The following NAA38 variants were observed in gnomAD, a reference collection of about 807,000 sequenced individuals.
NAA38 encodes N-alpha-acetyltransferase 38, NatC auxiliary subunit, also known as LSM domain containing 1.
In NAA38, 15 loss-of-function variants were observed where a neutral mutation model predicts 12.6. The observed-to-expected ratio is 1.19, with a 90% CI of 0.79 to 1.83. The LOEUF is 1.83. Among genes scored for constraint, NAA38 ranks in the 40% most tolerant of loss-of-function variants. The probability of loss-of-function intolerance (pLI) is 0.00; values close to 1 mark genes in which losing one functional copy is unlikely to be tolerated. For synonymous variants in NAA38, 88 were observed against 69.9 expected, an observed-to-expected ratio of 1.26 and a Z score of -1.29; for missense variants, 183 against 171.7, an observed-to-expected ratio of 1.07 and a Z score of -0.37.
intron 2 of NAA38, among the ~76,000 whole-genome samples, chr17:7,870,742 C>T (rs907655649): frequency 6.6e-6 from 1 of 151,822 alleles, no homozygotes; most frequent in Non-Finnish European, 1.5e-5. Context: ...CAAAAATTAG[C>T]CCAGTGCAGT....
chr17:7,874,549 G>C lies in NAA38; in HGVS notation c.-65-7991C>G, dbSNP rs74252293. On this transcript the variant is annotated intron_variant, in intron 2 of 4. Transcript: ENST00000576861. The stretch of plus-strand genomic sequence containing the variant: ...AGACTGCTGCAGCCTTAAAGAAATA[G>C]GGGCTTCTTACACAAGATGAGGGAA... 0.016 allele frequency among the ~76,000 whole-genome samples: 2,471 copies of C among 152,216 alleles called. 135 individuals carry two copies. The East Asian group carries it at 0.2, about 12-fold the overall frequency.
upstream of NAA38, chr17:7,862,993 C>T (rs2078893317): frequency 6.6e-6 from 1 of 152,088 alleles, no homozygotes; most frequent in South Asian, 2.1e-4. Flanking sequence ...TAGGTTTATG[C>T]CTGCTTTTTT....
chr17:7,874,369 A>G (rs1967137384), intron 2 of NAA38, among the ~76,000 whole-genome samples: 1 of 152,184 alleles, frequency 6.6e-6, no homozygotes, highest in Non-Finnish European at 1.5e-5. Flanking sequence ...TCAAGGGACC[A>G]AAAAGTCTGG....
intron 2 of NAA38, among the ~76,000 whole-genome samples, chr17:7,868,961 C>T (rs561605701): frequency 6.6e-6 from 1 of 152,202 alleles, no homozygotes; most frequent in Non-Finnish European, 1.5e-5. Flanking sequence ...GGGAATGGGG[C>T]CAACTACTGG....
chr17:7,859,582 G>A (rs200846482), upstream of NAA38: 36 of 1,614,018 alleles, frequency 2.2e-5, no homozygotes, highest in Non-Finnish European at 2.9e-5. Flanking sequence ...CAATACTTCT[G>A]TACTTCAATG....
At chr17:7,877,096 T>C in intron 2 of NAA38, 1 of 368,786 alleles carries the variant, frequency 2.7e-6, no homozygotes, top group Admixed American at 3.4e-5. Flanking sequence ...TTTAGAGAAG[T>C]CATACTACTT....
intron 1 of NAA38, among the ~76,000 whole-genome samples, chr17:7,884,459 T>TATATATATATATATATGTATATATAC (rs1448949406): frequency 2.5e-5 from 1 of 39,842 alleles, no homozygotes; most frequent in African/African-American, 5.2e-5. Context: ...TATATATACA[T>TATATATATATATATATGTATATATAC]ATATATATAT....
intron 2 of NAA38, among the ~76,000 whole-genome samples, chr17:7,874,032 A>T (rs1300334504): frequency 3.3e-5 from 5 of 152,200 alleles, no homozygotes; most frequent in Non-Finnish European, 5.9e-5. Flanking sequence ...CAAGCAACCA[A>T]AGTGATACAA....
At chr17:7,867,338 ATGTTT>A (rs1157436466) in intron 2 of NAA38, among the ~76,000 whole-genome samples, 3 of 151,350 alleles carry the variant, frequency 2.0e-5, no homozygotes, top group East Asian at 2.0e-4. Flanking sequence ...TAAGTGTTTT[ATGTTT>A]TGTTTTGTTT....
At chr17:7,873,834 C>T (rs992529808) in intron 2 of NAA38, among the ~76,000 whole-genome samples, 3 of 152,074 alleles carry the variant, frequency 2.0e-5, no homozygotes, top group Non-Finnish European at 2.9e-5. Flanking sequence ...ATTTTCTATC[C>T]ATTATGATAT....
intron 2 of NAA38, among the ~76,000 whole-genome samples, chr17:7,868,013 C>T (rs1967019837): frequency 1.3e-5 from 2 of 152,166 alleles, no homozygotes; most frequent in African/African-American, 4.8e-5. Flanking sequence ...TATGAGGTAA[C>T]TCGGGCAGGC....
chr17:7,863,336 G>A (rs1054925029), intron 3 of NAA38: 6 of 152,162 alleles, frequency 3.9e-5, no homozygotes, highest in African/African-American at 1.4e-4. Context: ...TTTTGTGTTA[G>A]AGGGTGGTGG....
intron 3 of NAA38, chr17:7,865,952 CTG>C (rs1567815911): frequency 6.6e-6 from 1 of 152,278 alleles, no homozygotes; most frequent in South Asian, 2.1e-4. Flanking sequence ...GTCCTGGAAA[CTG>C]TGAATACAAA....
At chr17:7,859,788 T>A, upstream of NAA38, 1 of 603,652 alleles carries the variant, frequency 1.7e-6, no homozygotes, top group Non-Finnish European at 2.9e-6. Flanking sequence ...TTCATTACAG[T>A]TTGCTCTGAG....
At chr17:7,858,670 T>C, upstream of NAA38, 2 of 1,611,072 alleles carry the variant, frequency 1.2e-6, no homozygotes, top group South Asian at 2.2e-5. Context: ...GGCCGCTTTG[T>C]GCACGTTCCG....
intron 2 of NAA38, among the ~76,000 whole-genome samples, chr17:7,882,070 G>A (rs1967282817): frequency 6.6e-6 from 1 of 152,074 alleles, no homozygotes; most frequent in Admixed American, 6.5e-5. Flanking sequence ...GCAAAAGGGA[G>A]GATGGATGAG....
intron 2 of NAA38, among the ~76,000 whole-genome samples, chr17:7,882,862 C>T (rs763051729): frequency 3.3e-5 from 5 of 152,078 alleles, no homozygotes; most frequent in African/African-American, 4.8e-5. Context: ...TGAGCACCGC[C>T]GAAGATGGGT....
upstream of NAA38, chr17:7,857,686 G>C: frequency 7.6e-7 from 1 of 1,320,456 alleles, no homozygotes; most frequent in Non-Finnish European, 9.6e-7. Context: ...GATATCGCGA[G>C]ACCTTTACCT....
upstream of NAA38, chr17:7,859,683 AGTG>A: frequency 1.4e-6 from 2 of 1,456,838 alleles, no homozygotes; most frequent in South Asian, 1.2e-5. Flanking sequence ...CTTGAGGAAA[AGTG>A]GTGGGGCCGA....
Sources: gnomAD v4.1 joint callset for allele counts (sites outside exome capture counted in the v4.1 genomes callset) on GRCh38, gnomAD v4.1.1 for gene constraint, MANE v1.5 for transcripts, NCBI Gene and HGNC (gene_info 2026-07-23, HGNC 2026-07-21) for gene names.